Variants in TMEM131L observed in about 807,000 individuals in gnomAD.
TMEM131L encodes the protein transmembrane 131 like.
Under a neutral mutation model 192.2 loss-of-function variants are expected in TMEM131L, and 54 were observed. The ratio of observed to expected loss-of-function variants is 0.28; its 90% CI spans 0.23 to 0.35. TMEM131L has a LOEUF of 0.35. TMEM131L is among the 10% of genes least tolerant of loss of function. The pLI is 1.00. For missense variants in TMEM131L, 1,888 were observed against 1,972.9 expected, an observed-to-expected ratio of 0.96 and a Z score of 0.82; for synonymous variants, 701 against 704.9, an observed-to-expected ratio of 0.99 and a Z score of 0.09.
chr4:153,478,494 AT>A lies in TMEM131L; in HGVS notation c.239+4607del, dbSNP rs767542227. ...CCTCACCCAGTGAACCCTAATGTTAATGTCTTATATTACTGTGGTACATTTG... is the reference window on the plus strand; with the variant it reads ...CCTCACCCAGTGAACCCTAATGTTAAGTCTTATATTACTGTGGTACATTTG... On this transcript the variant is annotated intron_variant, in intron 3 of 34. Transcript: ENST00000409959. Among the ~76,000 whole-genome samples the A allele has an allele frequency of 1.2e-4, 18 of 152,300 alleles. No individual in the cohort carries two copies. The East Asian group carries it at 3.5e-3, about 29-fold the overall frequency.
intron 3 of TMEM131L, among the ~76,000 whole-genome samples, chr4:153,480,517 C>CAAA (rs1157080931): frequency 8.3e-4 from 42 of 50,512 alleles, no homozygotes; most frequent in African/African-American, 9.4e-4. Flanking sequence ...GACTCCATCT[C>CAAA]AAAAAAAAAA....
intron 31 of TMEM131L, 165 bp from the exon 32 acceptor site, chr4:153,632,553 T>C (rs1456404869): frequency 1.4e-6 from 1 of 704,112 alleles, no homozygotes; most frequent in Admixed American, 3.0e-5. Flanking sequence ...CAAAACAATA[T>C]GCTGTATTTC....
chr4:153,583,567 A>G lies in TMEM131L; in HGVS notation c.955A>G (p.Ile319Val). ...SGNSLIWIQDIRHFSQRDALS... is the reference protein window; with the variant it reads ...SGNSLIWIQDVRHFSQRDALS... Reference sequence around the variant, plus strand: ...TGGGACTTTTCTTTTATTTCAGGATATACGCCATTTCTCACAGAGAGATGC... The same window carrying G: ...TGGGACTTTTCTTTTATTTCAGGATGTACGCCATTTCTCACAGAGAGATGC... The change falls in exon 11 of 35, where the codon ATA (isoleucine) becomes GTA (valine). Residue 319 changes from isoleucine to valine, a missense_variant. By Grantham distance (29) the Ile-to-Val change is conservative. Transcript: ENST00000409959. 6.2e-7 allele frequency: 1 copy of G among 1,602,176 alleles called. No homozygotes were observed. Among genetic ancestry groups the G allele is most frequent in the East Asian group, 2.2e-5 (1 of 44,808 alleles).
At chr4:153,528,471 A>T (rs1304130533) in intron 3 of TMEM131L, among the ~76,000 whole-genome samples, 1 of 152,228 alleles carries the variant, frequency 6.6e-6, no homozygotes, top group East Asian at 1.9e-4. Context: ...TTGGAAATTT[A>T]GGGGCTTTAA....
Position 153,521,617 on chromosome 4 carries a change from A to G in TMEM131L, c.240-28456A>G, listed in dbSNP as rs565458981. ...ATGTTACAGAGCAACTATCGCCACC[A>G]TCCGTCTCCAGAAATCTTTTCATCT... On this transcript the variant is annotated intron_variant, in intron 3 of 34. Transcript: ENST00000409959. 2.0e-5 allele frequency among the ~76,000 whole-genome samples: 3 copies of G among 152,276 alleles called. No individual in the cohort carries two copies. The East Asian group carries it at 5.8e-4, about 29-fold the overall frequency.
intron 21 of TMEM131L, among the ~76,000 whole-genome samples, chr4:153,601,487 A>G (rs996553482): frequency 3.3e-5 from 5 of 152,152 alleles, no homozygotes; most frequent in African/African-American, 1.2e-4. Context: ...TGATCTCACC[A>G]CTATACTCCA....
Position 153,466,472 on chromosome 4 carries a change from C to T in TMEM131L, c.75C>T (p.Val25=). ...CGGCCGTGAACCTCCTGCTGGGCGT[C>T]TTCCAGGTCCTGCTGCCCTGCTGTC... is the stretch of plus-strand genomic sequence containing the variant. The part of the protein sequence containing the change: ...TAAAVNLLLG[V]FQVLLPCCRP... Residue 25 remains valine, a synonymous_variant, in exon 1 of 35, where the codon GTC becomes GTT. Coordinates refer to ENST00000409959, the MANE Select transcript of TMEM131L (RefSeq NM_001131007.2). The T allele has an allele frequency of 1.4e-6, 2 of 1,421,494 alleles. No homozygotes were observed. The highest frequency in any genetic ancestry group is 1.9e-6 in the Non-Finnish European group (2 of 1,079,610). 88.1% of individuals were successfully genotyped at this position (1,421,494 alleles called of 1,614,324 possible). A position where few individuals can be genotyped will look rare whatever the true frequency, so the allele number is the denominator to read the frequency against.
chr4:153,596,126 A>T, intron 19 of TMEM131L, 132 bp from the exon 20 acceptor site: 1 of 1,051,388 alleles, frequency 9.5e-7, no homozygotes, highest in Non-Finnish European at 1.4e-6. Flanking sequence ...AGCAAGTTCT[A>T]ACAGGTTGAT....
chr4:153,611,784 A>G (rs1732633055), intron 25 of TMEM131L, among the ~76,000 whole-genome samples: 2 of 152,212 alleles, frequency 1.3e-5, no homozygotes, highest in South Asian at 2.1e-4. Context: ...AGGTTCATCC[A>G]TGTTGTAGCA....
At chr4:153,606,790 T>G (rs768320431) in intron 25 of TMEM131L, among the ~76,000 whole-genome samples, 5 of 152,180 alleles carry the variant, frequency 3.3e-5, no homozygotes, top group Non-Finnish European at 7.3e-5. Flanking sequence ...GGTACCAGAG[T>G]GATTGTTGAT....
intron 7 of TMEM131L, among the ~76,000 whole-genome samples, chr4:153,567,080 C>T (rs956968614): frequency 6.6e-6 from 1 of 152,134 alleles, no homozygotes; most frequent in African/African-American, 2.4e-5. Flanking sequence ...TGTCAATTAA[C>T]GTGGCAATCT....
chr4:153,466,871 C>T (rs1730789273), intron 1 of TMEM131L, among the ~76,000 whole-genome samples: 1 of 152,130 alleles, frequency 6.6e-6, no homozygotes, highest in African/African-American at 2.4e-5. Context: ...CAGCTTTGTT[C>T]CCCCGAGCCT....
intron 3 of TMEM131L, among the ~76,000 whole-genome samples, chr4:153,504,805 AC>A (rs1733876479): frequency 6.6e-6 from 1 of 152,226 alleles, no homozygotes; most frequent in African/African-American, 2.4e-5. Context: ...AGAATCCTTG[AC>A]ATTTTGCTTC....
chr4:153,468,611 G>T (rs1339133784), intron 2 of TMEM131L, among the ~76,000 whole-genome samples: 1 of 152,124 alleles, frequency 6.6e-6, no homozygotes, highest in Non-Finnish European at 1.5e-5. Flanking sequence ...GTTCAACAGT[G>T]GCACTGGTGA....
At chr4:153,632,494 T>C in intron 31 of TMEM131L, 1 of 520,112 alleles carries the variant, frequency 1.9e-6, no homozygotes, top group East Asian at 3.3e-5. Flanking sequence ...GTGAGTCTCA[T>C]CTTGTCATCC....
Position 153,553,256 on chromosome 4 carries a change from G to C in TMEM131L, c.309-2531G>C, listed in dbSNP as rs56195346. Among the ~76,000 whole-genome samples the C allele has an allele frequency of 3.9e-3, 592 of 152,108 alleles. 5 individuals carry two copies. The highest frequency in any genetic ancestry group is 0.031 in the Middle Eastern group (9 of 292). On this transcript the variant is annotated intron_variant, in intron 4 of 34. Coordinates refer to ENST00000409959, the MANE Select transcript of TMEM131L (RefSeq NM_001131007.2). ...GGCATTATCTGAGTCTGTGTGTATC[G>C]TTTTCAAATATCTCTTTGTTTGAGC... is the stretch of plus-strand genomic sequence containing the variant.
rs528050643 is a variant in TMEM131L, at chr4:153,620,072, A to G, written c.3568-684A>G. Among the ~76,000 whole-genome samples the G allele has an allele frequency of 1.3e-4, 20 of 152,330 alleles. 1 individual carries two copies. The South Asian group carries it at 3.9e-3, about 30-fold the overall frequency. Reference sequence around the variant, plus strand: ...AGGATTAGAATATGTTAAAGACTTGAGCTACTTCATAGTTTGAAAGGGCAA... The same window carrying G: ...AGGATTAGAATATGTTAAAGACTTGGGCTACTTCATAGTTTGAAAGGGCAA... On this transcript the variant is annotated intron_variant, in intron 26 of 34. Transcript: ENST00000409959.
chr4:153,583,732 CTCTT>C, intron 11 of TMEM131L, 60 bp downstream of exon 11: 1 of 961,376 alleles, frequency 1.0e-6, no homozygotes, highest in South Asian at 1.4e-5. Flanking sequence ...ATGATGGCAA[CTCTT>C]TCTACAACTA....
At chr4:153,508,306 T>C (rs915359163) in intron 3 of TMEM131L, among the ~76,000 whole-genome samples, 1 of 152,208 alleles carries the variant, frequency 6.6e-6, no homozygotes, top group Admixed American at 6.5e-5. Context: ...TTAAAAAAGA[T>C]TGCTCTAAAG....
Sources: gnomAD v4.1 joint callset for allele counts (sites outside exome capture counted in the v4.1 genomes callset) on GRCh38, gnomAD v4.1.1 for gene constraint, MANE v1.5 for transcripts, NCBI Gene and HGNC (gene_info 2026-07-23, HGNC 2026-07-21) for gene names.